Variants in CDH12 observed in about 807,000 individuals in gnomAD.
The protein encoded by CDH12 is cadherin 12, also known as cadherin-12.
Under a neutral mutation model 74.1 loss-of-function variants are expected in CDH12, and 41 were observed. That is an observed-to-expected ratio of 0.55 (90% CI 0.43 to 0.72). The LOEUF (loss-of-function observed/expected upper bound fraction) is 0.72, where lower values mean the gene tolerates loss of function less well. CDH12 is among the 30% of genes least tolerant of loss of function. The pLI is 0.00. For synonymous variants in CDH12, 399 were observed against 355.0 expected (o/e 1.12, Z -1.39); for missense variants, 945 against 977.2 (o/e 0.97, Z 0.44).
At chr5:22,374,115 A>G (rs1741416175) in intron 3 of CDH12, among the ~76,000 whole-genome samples, 1 of 152,204 alleles carries the variant, frequency 6.6e-6, no homozygotes, top group South Asian at 2.1e-4. Context: ...ATATGCCATG[A>G]CAAAGTAGGA....
At chr5:21,775,052 A>T (rs886231372) in intron 11 of CDH12, among the ~76,000 whole-genome samples, 1 of 152,190 alleles carries the variant, frequency 6.6e-6, no homozygotes, top group African/African-American at 2.4e-5. Context: ...TCCCTTTAGG[A>T]AATGTTCCAG....
intron 4 of CDH12, among the ~76,000 whole-genome samples, chr5:22,184,878 G>T (rs555070705): frequency 1.1e-4 from 16 of 152,234 alleles, no homozygotes; most frequent in African/African-American, 3.4e-4. Flanking sequence ...TAAGTTCAAG[G>T]GTGAAAGTGC....
chr5:21,796,851 A>T (rs1746807920), intron 10 of CDH12, among the ~76,000 whole-genome samples: 1 of 152,036 alleles, frequency 6.6e-6, no homozygotes, highest in Non-Finnish European at 1.5e-5. Flanking sequence ...AACTTTCTAA[A>T]CTCAAGAACT....
intron 1 of CDH12, among the ~76,000 whole-genome samples, chr5:22,776,817 AAATT>A (rs1240558507): frequency 5.3e-5 from 8 of 152,294 alleles, no homozygotes; most frequent in Non-Finnish European, 8.8e-5. Context: ...AAAACACAAT[AAATT>A]AATAAGTTCT....
intron 3 of CDH12, among the ~76,000 whole-genome samples, chr5:22,273,625 A>T (rs777708038): frequency 2.6e-5 from 4 of 152,170 alleles, no homozygotes; most frequent in Non-Finnish European, 5.9e-5. Flanking sequence ...TGCATTTCCT[A>T]CCTGAAGAAG....
At position 22,555,748 on chromosome 5, in the gene CDH12, A is replaced by G. The variant is rs144586894; in HGVS notation, c.-522-50384T>C. Among the ~76,000 whole-genome samples, 21 of 152,186 alleles carry G rather than the reference A, an allele frequency of 1.4e-4. No individual in the cohort carries two copies. The East Asian group carries it at 4.1e-3, about 29-fold the overall frequency. ...CCTTAAGGATTTATTTATTTCCTTAAGCATTTTTAAGTATTTGTGTATTCT... is the reference window on the plus strand; with the variant it reads ...CCTTAAGGATTTATTTATTTCCTTAGGCATTTTTAAGTATTTGTGTATTCT... On this transcript the variant is annotated intron_variant, in intron 1 of 14. Transcript: ENST00000382254.
intron 1 of CDH12, among the ~76,000 whole-genome samples, chr5:22,684,736 A>G (rs10045913): frequency 6.6e-6 from 1 of 152,006 alleles, no homozygotes; most frequent in Non-Finnish European, 1.5e-5. Context: ...TACTTGCAAC[A>G]TCGTTGTATA....
At chr5:22,185,259 T>G (rs1407831740) in intron 4 of CDH12, among the ~76,000 whole-genome samples, 2 of 148,910 alleles carry the variant, frequency 1.3e-5, no homozygotes, top group Non-Finnish European at 3.0e-5. Flanking sequence ...CGTGCAGTGG[T>G]GCAATCTTGG....
At chr5:22,099,893 C>A (rs931699544) in intron 4 of CDH12, among the ~76,000 whole-genome samples, 3 of 152,090 alleles carry the variant, frequency 2.0e-5, no homozygotes, top group Non-Finnish European at 2.9e-5. Context: ...TGTATCCAGG[C>A]CATCACCAAT....
intron 1 of CDH12, among the ~76,000 whole-genome samples, chr5:22,664,368 T>C (rs1740500420): frequency 6.6e-6 from 1 of 152,032 alleles, no homozygotes; most frequent in South Asian, 2.1e-4. Flanking sequence ...GGAAGCAAGG[T>C]ACCTTTTTCA....
rs549412668 is a variant in CDH12 at position 22,416,265 on chromosome 5, C to T, written c.-427-10914G>A. ...AATTTTTTTGTATTTTTAGTAGAGA[C>T]GGGGTTTCACCGTGTTAGCCAGGAT... On this transcript the variant is annotated intron_variant, in intron 2 of 14. Transcript: ENST00000382254. Among the ~76,000 whole-genome samples the T allele has an allele frequency of 8.5e-3, 1,280 of 151,080 alleles. 18 individuals are homozygous for T. Among genetic ancestry groups the T allele is most frequent in the African/African-American group, 0.03 (1,228 of 41,094 alleles).
chr5:22,533,532 GA>G (rs1737686940), intron 1 of CDH12, among the ~76,000 whole-genome samples: 1 of 152,158 alleles, frequency 6.6e-6, no homozygotes, highest in South Asian at 2.1e-4. Flanking sequence ...ATTTCTTCAA[GA>G]AAAAGTTGTT....
chr5:22,653,269 C>T (rs986311364), intron 1 of CDH12, among the ~76,000 whole-genome samples: 1 of 152,084 alleles, frequency 6.6e-6, no homozygotes, highest in Non-Finnish European at 1.5e-5. Context: ...TAATTAATAC[C>T]TTCAGCCTTG....
At chr5:22,217,541 T>C (rs1418621343) in intron 3 of CDH12, among the ~76,000 whole-genome samples, 1 of 151,728 alleles carries the variant, frequency 6.6e-6, no homozygotes, top group African/African-American at 2.4e-5. Flanking sequence ...TTTAGACCTT[T>C]CTTGTTAGCT....
chr5:21,853,916 G>A (rs1270011945), intron 7 of CDH12, among the ~76,000 whole-genome samples: 2 of 151,476 alleles, frequency 1.3e-5, no homozygotes, highest in Admixed American at 1.3e-4. Context: ...ATCGTTGTGG[G>A]GTTTCTGCTT....
intron 1 of CDH12, among the ~76,000 whole-genome samples, chr5:22,700,067 T>C (rs1204918733): frequency 6.6e-6 from 1 of 151,866 alleles, no homozygotes; most frequent in East Asian, 1.9e-4. Context: ...GTCAAGAGGC[T>C]GAAGCTGGAG....
chr5:22,658,854 T>C (rs1740200572), intron 1 of CDH12, among the ~76,000 whole-genome samples: 1 of 152,156 alleles, frequency 6.6e-6, no homozygotes, highest in Non-Finnish European at 1.5e-5. Flanking sequence ...TAGGTACATT[T>C]CACTGAAGGA....
At chr5:21,874,794 G>C (rs1751842651) in intron 6 of CDH12, among the ~76,000 whole-genome samples, 1 of 152,164 alleles carries the variant, frequency 6.6e-6, no homozygotes, top group African/African-American at 2.4e-5. Context: ...GGTGCCCATT[G>C]CTGCTCCCAG....
At chr5:22,504,319 T>C (rs1224095924) in intron 2 of CDH12, among the ~76,000 whole-genome samples, 1 of 152,044 alleles carries the variant, frequency 6.6e-6, no homozygotes, top group Non-Finnish European at 1.5e-5. Context: ...AAAACTACAC[T>C]AAAGCCTAAC....
Sources: gnomAD v4.1 joint callset for allele counts (sites outside exome capture counted in the v4.1 genomes callset) on GRCh38, gnomAD v4.1.1 for gene constraint, MANE v1.5 for transcripts, NCBI Gene and HGNC (gene_info 2026-07-23, HGNC 2026-07-21) for gene names.